NUP210: variants seen among roughly 807,000 people sequenced by gnomAD.
NUP210 encodes the protein nuclear pore membrane glycoprotein 210.
NUP210 carries 151 observed loss-of-function variants against 196.0 expected under a neutral mutation model. That is an observed-to-expected ratio of 0.77 (90% CI 0.67 to 0.88). NUP210 has a LOEUF of 0.88. NUP210 is among the 40% of genes least tolerant of loss of function. The pLI is 0.00. For synonymous variants in NUP210, 1,070 were observed against 1,052.7 expected, an observed-to-expected ratio of 1.02 and a Z score of -0.32; for missense variants, 2,314 against 2,493.7, an observed-to-expected ratio of 0.93 and a Z score of 1.53.
chr3:13,340,056 C>T lies in NUP210; in HGVS notation c.3292-23G>A, dbSNP rs1030566055. 7.5e-6 allele frequency: 12 copies of T among 1,609,530 alleles called. No individual in the cohort carries two copies. The highest frequency in any genetic ancestry group is 4.0e-5 in the African/African-American group (3 of 74,966). ...GACCTGAGCGGGGAGGAAACAGCGG[C>T]GTGTCAGTGCCCGTCATGCCAGGCA... On this transcript the variant is annotated intron_variant, in intron 24 of 39. Coordinates refer to ENST00000254508, the MANE Select transcript of NUP210 (RefSeq NM_024923.4). The surrounding 1 kb of genome is among the most constrained non-coding windows in gnomAD (Gnocchi z 4.0).
At chr3:13,343,526 C>T (rs1405419372) in intron 20 of NUP210, among the ~76,000 whole-genome samples, 3 of 152,220 alleles carry the variant, frequency 2.0e-5, no homozygotes, top group Non-Finnish European at 4.4e-5. Context: ...CCACTGCTGG[C>T]CAGGAGATGG....
chr3:13,397,297 A>C, intron 3 of NUP210, 60 bp downstream of exon 3: 2 of 1,570,586 alleles, frequency 1.3e-6, no homozygotes, highest in Non-Finnish European at 1.7e-6. Context: ...GGCCAGAGTC[A>C]TGGTGGGGGG....
chr3:13,403,272 C>T (rs1254400872), intron 1 of NUP210, among the ~76,000 whole-genome samples: 7 of 152,164 alleles, frequency 4.6e-5, no homozygotes, highest in Admixed American at 1.3e-4. Context: ...TGGAGGCTGG[C>T]AGTCCAAGAT....
intron 1 of NUP210, among the ~76,000 whole-genome samples, chr3:13,415,845 C>T (rs780665767): frequency 5.9e-5 from 9 of 152,168 alleles, no homozygotes; most frequent in Non-Finnish European, 1.2e-4. Flanking sequence ...CTTGGCTCAG[C>T]GTGCATCCCT....
Position 13,348,714 on chromosome 3 carries a change from CT to C in NUP210, c.2835+3164del. The C allele has an allele frequency of 1.0e-6, 1 of 985,400 alleles. No homozygotes were observed. The highest frequency in any genetic ancestry group is 1.1e-4 in the East Asian group (1 of 8,814). The allele number at this position is 985,400 out of a possible 1,614,324, so 61.0% of individuals were successfully genotyped here. A position where few individuals can be genotyped will look rare whatever the true frequency, so the allele number is the denominator to read the frequency against. Reference sequence around the variant, plus strand: ...CCTCCAACCACAAGCATGTCCCCAGCTGCTGAGGGCGTCCTGCCATCCAAGG... The same window carrying C: ...CCTCCAACCACAAGCATGTCCCCAGCGCTGAGGGCGTCCTGCCATCCAAGG... On this transcript the variant is annotated intron_variant, in intron 20 of 39. Coordinates refer to ENST00000254508, the MANE Select transcript of NUP210 (RefSeq NM_024923.4). This position sits in a 1 kb window ranked among gnomAD's most constrained non-coding sequence, Gnocchi z 4.0.
intron 11 of NUP210, 54 bp from the exon 12 acceptor site, chr3:13,373,927 A>G: frequency 4.4e-6 from 7 of 1,595,648 alleles, no homozygotes; most frequent in Non-Finnish European, 6.0e-6. Context: ...CCTGCTGGGG[A>G]AGTCAGAGGG....
At chr3:13,378,631 C>A (rs79531713) in intron 8 of NUP210, among the ~76,000 whole-genome samples, 74 of 152,244 alleles carry the variant, frequency 4.9e-4, no homozygotes, top group African/African-American at 1.7e-3. Flanking sequence ...TGGGCAAAGC[C>A]GTGGTATGAA....
chr3:13,371,829 T>C lies in NUP210; in HGVS notation c.1786+5A>G, dbSNP rs571612917. 6.2e-7 allele frequency: 1 copy of C among 1,603,438 alleles called. No individual in the cohort carries two copies. The highest frequency in any genetic ancestry group is 1.3e-5 in the African/African-American group (1 of 74,914). ...TCTGGCACCTGCTCAGCAGCGCTGGTTTACCTGGGAGTGGCTGGAACACAC... is the reference window on the plus strand; with the variant it reads ...TCTGGCACCTGCTCAGCAGCGCTGGCTTACCTGGGAGTGGCTGGAACACAC... On this transcript the variant is annotated splice_donor_5th_base_variant and intron_variant, in intron 13 of 39. Transcript: ENST00000254508.
At chr3:13,391,980 C>A (rs1175068966) in intron 3 of NUP210, among the ~76,000 whole-genome samples, 1 of 152,080 alleles carries the variant, frequency 6.6e-6, no homozygotes, top group Non-Finnish European at 1.5e-5. Flanking sequence ...GGATGAAGAT[C>A]CACCCACCTG....
At position 13,325,916 on chromosome 3, in the gene NUP210, C is replaced by T. The variant is rs1696733584; in HGVS notation, c.4523G>A (p.Trp1508Ter). The T allele has an allele frequency of 6.2e-6, 10 of 1,614,076 alleles. No individual in the cohort carries two copies. The highest frequency in any genetic ancestry group is 6.8e-6 in the Non-Finnish European group (8 of 1,180,018). Residue 1508 changes from tryptophan (W) to a stop codon, truncating the protein, a stop_gained, in exon 33 of 40, where the codon TGG (tryptophan) becomes TAG (stop). Coordinates refer to ENST00000254508, the MANE Select transcript of NUP210 (RefSeq NM_024923.4). LOFTEE classifies it high-confidence loss of function. The part of the protein sequence containing the change: ...LTSLEGLSGT[W>*]SSSANSILHI... ...GAGGATGCTGTTGGCCGAGGAGCTC[C>T]AGGTTCCTGAGAGGCCTGGAGAGGA...
chr3:13,368,137 A>G (rs1469135480), intron 13 of NUP210, among the ~76,000 whole-genome samples: 2 of 152,046 alleles, frequency 1.3e-5, no homozygotes, highest in Non-Finnish European at 2.9e-5. Flanking sequence ...GTGCAGTGGC[A>G]CAATCTTGGC....
chr3:13,405,923 T>TA (rs1273801172), intron 1 of NUP210, among the ~76,000 whole-genome samples: 4 of 152,350 alleles, frequency 2.6e-5, no homozygotes, highest in Admixed American at 2.0e-4. Flanking sequence ...AGCTATTTTT[T>TA]AACAGACTCA....
chr3:13,323,272 G>A lies in NUP210; in HGVS notation c.4768+37C>T. 1 of 1,612,900 alleles carries A rather than the reference G, an allele frequency of 6.2e-7. No homozygotes were observed. Among genetic ancestry groups the A allele is most frequent in the Non-Finnish European group, 8.5e-7 (1 of 1,179,296 alleles). On this transcript the variant is annotated intron_variant, in intron 34 of 39. Coordinates refer to ENST00000254508, the MANE Select transcript of NUP210 (RefSeq NM_024923.4). The surrounding 1 kb of genome is among the most constrained non-coding windows in gnomAD (Gnocchi z 4.3). Reference sequence around the variant, plus strand: ...ACAGGAAGCCACCTCCCCGCTCCCAGGTACTCTGAAGACAGCCCAAGCCCC... The same window carrying A: ...ACAGGAAGCCACCTCCCCGCTCCCAAGTACTCTGAAGACAGCCCAAGCCCC...
At chr3:13,351,666 C>CT (rs11292029) in intron 20 of NUP210, 11,253 of 434,368 alleles carry the variant, frequency 0.026, no homozygotes, top group South Asian at 0.045. Flanking sequence ...TTTGATTTTT[C>CT]TTTTTTTTTT....
chr3:13,419,131 C>T (rs1248270229), intron 1 of NUP210, among the ~76,000 whole-genome samples: 1 of 152,182 alleles, frequency 6.6e-6, no homozygotes, highest in African/African-American at 2.4e-5. Context: ...GGTCACACCC[C>T]GTTCTGCCTC....
At chr3:13,397,924 A>G (rs2124944749) in intron 2 of NUP210, among the ~76,000 whole-genome samples, 1 of 152,344 alleles carries the variant, frequency 6.6e-6, no homozygotes, top group South Asian at 2.1e-4. Flanking sequence ...ACTATCAAGT[A>G]TAGTACAGAA....
chr3:13,354,212 G>A, intron 16 of NUP210, 105 bp from the exon 17 acceptor site: 1 of 962,308 alleles, frequency 1.0e-6, no homozygotes, highest in Non-Finnish European at 1.6e-6. Context: ...GGGCTCTTGG[G>A]GGTGCTGGTG....
Position 13,341,743 on chromosome 3 carries a change from C to T in NUP210, c.3228+5G>A. 6.2e-7 allele frequency: 1 copy of T among 1,614,160 alleles called. No homozygotes were observed. Among genetic ancestry groups the T allele is most frequent in the Non-Finnish European group, 8.5e-7 (1 of 1,180,004 alleles). On this transcript the variant is annotated splice_donor_5th_base_variant and intron_variant, in intron 23 of 39. Coordinates refer to ENST00000254508, the MANE Select transcript of NUP210 (RefSeq NM_024923.4). ...CCCACATGGTGTGGGAAGAACTCGT[C>T]TTACTTCAATCTGTTGTGGGGCTGA...
chr3:13,321,292 C>T (rs1010338080), intron 36 of NUP210, among the ~76,000 whole-genome samples: 1 of 152,232 alleles, frequency 6.6e-6, no homozygotes, highest in African/African-American at 2.4e-5. Context: ...CGATGCCACG[C>T]ACCACACGCT....
Sources: allele counts gnomAD v4.1 joint callset (sites outside exome capture counted in the v4.1 genomes callset), GRCh38; gene constraint gnomAD v4.1.1; non-coding constraint Gnocchi (gnomAD v3.1); transcripts MANE v1.5; gene names NCBI Gene and HGNC (gene_info 2026-07-23, HGNC 2026-07-21).